XIRP2: variants seen among roughly 807,000 people sequenced by gnomAD.
The protein encoded by XIRP2 is xin actin binding repeat containing 2, also known as xin actin-binding repeat-containing protein 2.
In XIRP2, 236 loss-of-function variants were observed where a neutral mutation model predicts 277.0. The observed-to-expected ratio is 0.85, with a 90% CI of 0.77 to 0.95. The LOEUF (loss-of-function observed/expected upper bound fraction) is 0.95, where lower values mean the gene tolerates loss of function less well. Ranked by LOEUF, XIRP2 falls within the 40% of genes least tolerant of loss-of-function variation. XIRP2 has a pLI of 0.00. For missense variants in XIRP2, 4,640 were observed against 4,157.5 expected (o/e 1.12, Z -3.19); for synonymous variants, 1,490 against 1,416.5 (o/e 1.05, Z -1.17).
intron 3 of XIRP2, among the ~76,000 whole-genome samples, chr2:167,182,294 C>T (rs77729004): frequency 0.099 from 15,006 of 152,112 alleles, 792 homozygotes; most frequent in South Asian, 0.16. Flanking sequence ...CTTTCATATT[C>T]ATATGTTTGC....
chr2:166,937,228 G>A (rs937376130), intron 2 of XIRP2, among the ~76,000 whole-genome samples: 10 of 152,116 alleles, frequency 6.6e-5, no homozygotes, highest in Admixed American at 6.5e-4. Flanking sequence ...CTGTGGGTTT[G>A]TCATACATAG....
At chr2:167,137,243 C>T (rs1385513160) in intron 3 of XIRP2, among the ~76,000 whole-genome samples, 1 of 152,138 alleles carries the variant, frequency 6.6e-6, no homozygotes. Flanking sequence ...GCATGGATTT[C>T]TAAATACATG....
chr2:167,148,746 A>G (rs546534641), intron 3 of XIRP2, among the ~76,000 whole-genome samples: 1 of 152,282 alleles, frequency 6.6e-6, no homozygotes, highest in South Asian at 2.1e-4. Context: ...CAATATGGCT[A>G]TTTTATTCTC....
intron 2 of XIRP2, among the ~76,000 whole-genome samples, chr2:167,043,729 A>G (rs1040886789): frequency 2.6e-5 from 4 of 152,116 alleles, no homozygotes; most frequent in Non-Finnish European, 5.9e-5. Flanking sequence ...TCCCTGGATC[A>G]GATGGATTCA....
intron 2 of XIRP2, among the ~76,000 whole-genome samples, chr2:166,997,801 A>G (rs1027181651): frequency 6.6e-6 from 1 of 151,894 alleles, no homozygotes; most frequent in African/African-American, 2.4e-5. Context: ...GCTACTCGGG[A>G]GGCTGAAGCA....
At chr2:167,076,450 C>T (rs1252593540) in intron 2 of XIRP2, among the ~76,000 whole-genome samples, 1 of 152,134 alleles carries the variant, frequency 6.6e-6, no homozygotes, top group East Asian at 1.9e-4. Context: ...TAAGAGAAAA[C>T]TCATAGAGGA....
At chr2:167,210,621 C>A in intron 3 of XIRP2, 114 bp from the exon 4 acceptor site, 1 of 1,344,692 alleles carries the variant, frequency 7.4e-7, no homozygotes, top group Non-Finnish European at 1.0e-6. Context: ...TTGTGAAATG[C>A]TACAGTCCAT....
intron 2 of XIRP2, among the ~76,000 whole-genome samples, chr2:166,978,630 T>A (rs889810995): frequency 4.6e-5 from 7 of 152,224 alleles, no homozygotes; most frequent in African/African-American, 1.7e-4. Context: ...GGGATATTTT[T>A]GTGAAAGAAA....
At chr2:167,212,358 T>C (rs6747227) in intron 4 of XIRP2, among the ~76,000 whole-genome samples, 21,677 of 152,154 alleles carry the variant, frequency 0.14, 1,843 homozygotes, top group African/African-American at 0.24. Context: ...GTAAACAATA[T>C]TTGATTTAGG....
chr2:167,129,400 G>T (rs1338188016), intron 2 of XIRP2, among the ~76,000 whole-genome samples: 1 of 151,976 alleles, frequency 6.6e-6, no homozygotes, highest in Admixed American at 6.6e-5. Context: ...AAGCAGTAGG[G>T]CAACCTGCTT....
At chr2:167,026,343 G>C (rs1046451912) in intron 2 of XIRP2, among the ~76,000 whole-genome samples, 2 of 152,062 alleles carry the variant, frequency 1.3e-5, no homozygotes, top group Non-Finnish European at 2.9e-5. Flanking sequence ...TTGAGCCTAT[G>C]TGTGTCTCTG....
At chr2:167,145,040 C>T (rs1451112263) in intron 3 of XIRP2, among the ~76,000 whole-genome samples, 2 of 152,074 alleles carry the variant, frequency 1.3e-5, no homozygotes, top group Non-Finnish European at 2.9e-5. Context: ...AAAAGATAAC[C>T]TTGTCTTTGC....
At chr2:166,890,894 G>A (rs1684083455) in intron 1 of XIRP2, among the ~76,000 whole-genome samples, 1 of 152,144 alleles carries the variant, frequency 6.6e-6, no homozygotes, top group African/African-American at 2.4e-5. Context: ...AACAAAAGCT[G>A]CTTCAATCAG....
At chr2:167,027,782 A>G (rs1023799040) in intron 2 of XIRP2, among the ~76,000 whole-genome samples, 1 of 151,902 alleles carries the variant, frequency 6.6e-6, no homozygotes, top group Non-Finnish European at 1.5e-5. Flanking sequence ...TCCAGACCCT[A>G]TAAACAGGTA....
At chr2:167,199,850 G>C (rs553575588) in intron 3 of XIRP2, among the ~76,000 whole-genome samples, 9 of 152,296 alleles carry the variant, frequency 5.9e-5, no homozygotes, top group African/African-American at 1.9e-4. Flanking sequence ...GATCTGGAAA[G>C]CTGAGAATCA....
At chr2:167,084,771 TG>T (rs1332490047) in intron 2 of XIRP2, among the ~76,000 whole-genome samples, 3 of 149,936 alleles carry the variant, frequency 2.0e-5, no homozygotes, top group Non-Finnish European at 4.5e-5. Context: ...TGTATTTCTG[TG>T]GGATCGGTGG....
chr2:167,009,300 G>T (rs1399450309), intron 2 of XIRP2, among the ~76,000 whole-genome samples: 6 of 145,654 alleles, frequency 4.1e-5, no homozygotes, highest in Non-Finnish European at 8.9e-5. Flanking sequence ...ACCTATGAGT[G>T]AGAATATGTG....
At chr2:167,210,240 A>G (rs1693984135) in intron 3 of XIRP2, among the ~76,000 whole-genome samples, 1 of 152,194 alleles carries the variant, frequency 6.6e-6, no homozygotes, top group African/African-American at 2.4e-5. Flanking sequence ...AGCAACCCTT[A>G]GACTTGTTAA....
chr2:167,156,493 A>G (rs571723834), intron 3 of XIRP2, among the ~76,000 whole-genome samples: 12 of 152,168 alleles, frequency 7.9e-5, no homozygotes, highest in East Asian at 3.9e-4. Flanking sequence ...AGATGTATCT[A>G]TAATTAAAGT....
Sources: gnomAD v4.1 joint callset for allele counts (sites outside exome capture counted in the v4.1 genomes callset) on GRCh38, gnomAD v4.1.1 for gene constraint, MANE v1.5 for transcripts, NCBI Gene and HGNC (gene_info 2026-07-23, HGNC 2026-07-21) for gene names.